Variants in CAP1 observed in about 807,000 individuals in gnomAD.
CAP1 encodes cyclase associated actin cytoskeleton regulatory protein 1.
A neutral mutation model predicts 58.2 loss-of-function variants in CAP1; 11 were observed. That is an observed-to-expected ratio of 0.19 (90% CI 0.12 to 0.31). The LOEUF (loss-of-function observed/expected upper bound fraction) is 0.31, where lower values mean the gene tolerates loss of function less well. Among genes scored for constraint, CAP1 ranks in the 10% least tolerant of loss-of-function variants. CAP1 has a pLI of 1.00. For synonymous variants in CAP1, 183 were observed against 213.8 expected (o/e 0.86, Z 1.26); for missense variants, 423 against 587.5 (o/e 0.72, Z 2.89).
chr1:40,063,443 C>CT (rs1351479125), intron 4 of CAP1, among the ~76,000 whole-genome samples: 1 of 151,678 alleles, frequency 6.6e-6, no homozygotes, highest in Non-Finnish European at 1.5e-5. Flanking sequence ...TCCCAAAGTG[C>CT]TGGGATTACA....
At chr1:40,040,864 G>A (rs1645784047) in intron 1 of CAP1, 63 bp downstream of exon 1, 2 of 152,926 alleles carry the variant, frequency 1.3e-5, no homozygotes, top group African/African-American at 4.8e-5. Flanking sequence ...CCCTGGTGGT[G>A]TTAATGGCCC....
chr1:40,044,788 C>CTTTT (rs71060347), intron 1 of CAP1, among the ~76,000 whole-genome samples: 12 of 85,236 alleles, frequency 1.4e-4, no homozygotes, highest in South Asian at 4.5e-4. Flanking sequence ...CCATATAATT[C>CTTTT]TTTTTTTTTT....
intron 1 of CAP1, among the ~76,000 whole-genome samples, chr1:40,056,163 C>G (rs1646605291): frequency 6.6e-6 from 1 of 152,174 alleles, no homozygotes; most frequent in Non-Finnish European, 1.5e-5. Flanking sequence ...TACTGCCCAA[C>G]AGTTTCCAGT....
At chr1:40,059,591 G>A (rs1646760441) in intron 2 of CAP1, 133 bp downstream of exon 2, 2 of 611,862 alleles carry the variant, frequency 3.3e-6, no homozygotes, top group Non-Finnish European at 5.9e-6. Context: ...TTGTATTGCT[G>A]TGAACAGATA....
intron 9 of CAP1, 35 bp from the exon 10 acceptor site, chr1:40,070,124 T>C (rs1335540970): frequency 6.2e-7 from 1 of 1,613,008 alleles, no homozygotes; most frequent in East Asian, 2.2e-5. Flanking sequence ...CGGTGTGTGC[T>C]TTGTGATGAG....
intron 11 of CAP1, 161 bp from the exon 12 acceptor site, chr1:40,070,675 C>A (rs976248032): frequency 3.3e-6 from 3 of 896,666 alleles, no homozygotes; most frequent in South Asian, 1.6e-5. Flanking sequence ...CAAGCAAGTT[C>A]TTTTCAGGAC....
At position 40,054,507 on chromosome 1, in the gene CAP1, T is replaced by G. The variant is rs565366531; in HGVS notation, c.-10-4830T>G. On this transcript the variant is annotated intron_variant, in intron 1 of 12. Coordinates refer to ENST00000372805, the MANE Select transcript of CAP1 (RefSeq NM_006367.4). ...GCCTCCTATGTTTATAGTAGTGGAA[T>G]TACAGTGGCAAGACATGGTCCTTGC... Among the ~76,000 whole-genome samples the G allele has an allele frequency of 2.3e-4, 35 of 152,188 alleles. No individual in the cohort carries two copies. In the East Asian group the frequency reaches 6.6e-3, roughly 29 times the overall value.
In CAP1 at chr1:40,054,193, C is replaced by CTTTTTTTTTTTTTTT. The variant is rs398052925; in HGVS notation, c.-10-5130_-10-5129insTTTTTTTTTTTTTTT. On this transcript the variant is annotated intron_variant, in intron 1 of 12. Coordinates refer to ENST00000372805, the MANE Select transcript of CAP1 (RefSeq NM_006367.4). ...CAAACACCTTTATTAGCCCACTGTTCTTTTTTTTTTTTTTGGAAACATAAT... is the reference window on the plus strand; with the variant it reads ...CAAACACCTTTATTAGCCCACTGTTCTTTTTTTTTTTTTTTTTTTTTTTTTTTTTGGAAACATAAT... Among the ~76,000 whole-genome samples, 82 of 136,334 alleles carry CTTTTTTTTTTTTTTT rather than the reference C, an allele frequency of 6.0e-4. 2 individuals are homozygous for CTTTTTTTTTTTTTTT. The highest frequency in any genetic ancestry group is 1.3e-3 in the East Asian group (6 of 4,524). 89.4% of individuals were successfully genotyped at this position (136,334 alleles called of 152,430 possible). A position where few individuals can be genotyped will look rare whatever the true frequency, so the allele number is the denominator to read the frequency against.
At position 40,054,193 on chromosome 1, in the gene CAP1, CTTTTTT is replaced by C. The variant is rs398052925; in HGVS notation, c.-10-5135_-10-5130del. Among the ~76,000 whole-genome samples, 1,085 of 136,400 alleles carry C rather than the reference CTTTTTT, an allele frequency of 8.0e-3. 14 individuals carry two copies. The highest frequency in any genetic ancestry group is 0.028 in the African/African-American group (1,046 of 36,780). 89.5% of individuals were successfully genotyped at this position (136,400 alleles called of 152,430 possible). A position where few individuals can be genotyped will look rare whatever the true frequency, so the allele number is the denominator to read the frequency against. ...CAAACACCTTTATTAGCCCACTGTT[CTTTTTT>C]TTTTTTTTGGAAACATAATCTCACT... is the stretch of plus-strand genomic sequence containing the variant. On this transcript the variant is annotated intron_variant, in intron 1 of 12. Transcript: ENST00000372805.
At chr1:40,045,134 G>T (rs1457564657) in intron 1 of CAP1, among the ~76,000 whole-genome samples, 1 of 152,066 alleles carries the variant, frequency 6.6e-6, no homozygotes, top group Non-Finnish European at 1.5e-5. Flanking sequence ...ATGTTAAGCA[G>T]CATCTGTCTC....
In CAP1 at chr1:40,070,173, T is replaced by C. The variant is rs191415725; in HGVS notation, c.1008T>C (p.Asn336=). ...CTCTCTAACAGGAAAATCAGGAAAA[T>C]GTTTCCAACCTGGTGATTGAGGACA... ...GKKWRVENQE[N]VSNLVIEDTE... is the part of the protein sequence containing the mutation. Residue 336 remains asparagine (N), a synonymous_variant, in exon 10 of 13, where the codon AAT becomes AAC. Transcript: ENST00000372805. 26 of 1,614,176 alleles carry C rather than the reference T, an allele frequency of 1.6e-5. No homozygotes were observed. Among genetic ancestry groups the C allele is most frequent in the Admixed American group, 5.0e-5 (3 of 60,026 alleles).
At chr1:40,069,142 T>C (rs1018886573) in intron 8 of CAP1, among the ~76,000 whole-genome samples, 1 of 152,232 alleles carries the variant, frequency 6.6e-6, no homozygotes, top group East Asian at 1.9e-4. Flanking sequence ...CCTAGAAAGA[T>C]ATTAAACTAC....
In CAP1 at chr1:40,071,899, G is replaced by A. The variant is rs1243424736; in HGVS notation, c.*366G>A. The A allele has an allele frequency of 7.1e-6, 3 of 420,548 alleles. No homozygotes were observed. Among genetic ancestry groups the A allele is most frequent in the Non-Finnish European group, 1.3e-5 (3 of 237,628 alleles). 26.1% of individuals were successfully genotyped at this position (420,548 alleles called of 1,614,324 possible). ...GTCCCTGGAATTAACAGATCAGAAT[G>A]TTCACACTGGTTAATCTTTTTTTAA... On this transcript the variant is annotated 3_prime_UTR_variant, in exon 13 of 13. Transcript: ENST00000372805.
chr1:40,040,381 A>G (rs1645756656), upstream of CAP1: 1 of 152,246 alleles, frequency 6.6e-6, no homozygotes, highest in South Asian at 2.1e-4. Context: ...CTGACAGAGG[A>G]ACTGGTCACT....
At chr1:40,046,579 C>T (rs1356345676) in intron 1 of CAP1, among the ~76,000 whole-genome samples, 1 of 152,092 alleles carries the variant, frequency 6.6e-6, no homozygotes, top group Non-Finnish European at 1.5e-5. Context: ...TGCTTAATGA[C>T]AGGTACATTC....
At chr1:40,051,699 C>T (rs1408579326) in intron 1 of CAP1, among the ~76,000 whole-genome samples, 2 of 152,150 alleles carry the variant, frequency 1.3e-5, no homozygotes, top group Non-Finnish European at 2.9e-5. Flanking sequence ...CCTCAGCCTC[C>T]TGAGTAGCTG....
intron 1 of CAP1, among the ~76,000 whole-genome samples, chr1:40,052,247 A>C (rs1646408796): frequency 6.6e-6 from 1 of 152,096 alleles, no homozygotes; most frequent in South Asian, 2.1e-4. Flanking sequence ...ACCTCCTTTG[A>C]TCCTTATATC....
chr1:40,068,990 C>G (rs1400640625), intron 8 of CAP1, among the ~76,000 whole-genome samples: 62 of 152,072 alleles, frequency 4.1e-4, no homozygotes, highest in Admixed American at 4.1e-3. Context: ...TGCCACCACA[C>G]CCGGCTAATT....
At position 40,046,531 on chromosome 1, in the gene CAP1, A is replaced by C. The variant is rs1646114239; in HGVS notation, c.-11+5730A>C. ...TTGCATATAGTTTATGGAGTTATTC[A>C]CATTTATTTTAGTTGATAAAATTAT... is the stretch of plus-strand genomic sequence containing the variant. On this transcript the variant is annotated intron_variant, in intron 1 of 12. Coordinates refer to ENST00000372805, the MANE Select transcript of CAP1 (RefSeq NM_006367.4). Among the ~76,000 whole-genome samples, 3 of 152,208 alleles carry C rather than the reference A, an allele frequency of 2.0e-5. No homozygotes were observed. The South Asian group carries it at 6.2e-4, about 32-fold the overall frequency.
Sources: gnomAD v4.1 joint callset for allele counts (sites outside exome capture counted in the v4.1 genomes callset) on GRCh38, gnomAD v4.1.1 for gene constraint, MANE v1.5 for transcripts, NCBI Gene and HGNC (gene_info 2026-07-23, HGNC 2026-07-21) for gene names.